The following CPAMD8 variants were observed in gnomAD, a reference collection of about 807,000 sequenced individuals.
CPAMD8 encodes the protein C3 and PZP like alpha-2-macroglobulin domain containing 8.
A neutral mutation model predicts 224.7 loss-of-function variants in CPAMD8; 146 were observed. The ratio of observed to expected loss-of-function variants is 0.65; its 90% confidence interval spans 0.57 to 0.75. The LOEUF (loss-of-function observed/expected upper bound fraction) is 0.75, where lower values mean the gene tolerates loss of function less well. Ranked by LOEUF, CPAMD8 falls within the 30% of genes least tolerant of loss-of-function variation. The pLI is 0.00. For synonymous variants in CPAMD8, 966 were observed against 1,044.6 expected, an observed-to-expected ratio of 0.92 and a Z score of 1.45; for missense variants, 2,301 against 2,537.5, an observed-to-expected ratio of 0.91 and a Z score of 2.00.
At chr19:16,939,187 TTATCTATCTATCTATG>T (rs1442799712) in intron 22 of CPAMD8, among the ~76,000 whole-genome samples, 1 of 84,634 alleles carries the variant, frequency 1.2e-5, no homozygotes, top group Non-Finnish European at 2.7e-5. Context: ...ATTTATTTAT[TTATCTATCTATCTATG>T]TATCTATCTA....
At position 16,902,691 on chromosome 19, in the gene CPAMD8, T is replaced by C. The variant is rs1329586649; in HGVS notation, c.4643A>G (p.Gln1548Arg). 3 of 1,609,578 alleles carry C rather than the reference T, an allele frequency of 1.9e-6. No homozygotes were observed. Among genetic ancestry groups the C allele is most frequent in the Middle Eastern group, 2.1e-4 (1 of 4,876 alleles). The change falls in exon 35 of 42, where the codon CAG (glutamine) becomes CGG (arginine). Residue 1548 changes from glutamine (Q) to arginine (R), a missense_variant. By Grantham distance (43) the Gln-to-Arg change is conservative. Transcript: ENST00000443236. ...PADDDDPAAD[Q>R]HHQEYKVMLE... ...CATCACCTTGTATTCCTGGTGATGC[T>C]GATCGGCCGCTGGGTCATCATCGTC...
intron 20 of CPAMD8, among the ~76,000 whole-genome samples, chr19:16,948,833 GA>G (rs2054192460): frequency 7.5e-6 from 1 of 133,082 alleles, no homozygotes; most frequent in Non-Finnish European, 1.6e-5. Flanking sequence ...GAAGGGAAGG[GA>G]GGAGAAGGGA....
chr19:16,929,971 G>A (rs1273212905), intron 23 of CPAMD8, among the ~76,000 whole-genome samples: 1 of 152,080 alleles, frequency 6.6e-6, no homozygotes, highest in African/African-American at 2.4e-5. Flanking sequence ...GACACGCAAA[G>A]GACCTAGGAG....
intron 7 of CPAMD8, among the ~76,000 whole-genome samples, chr19:17,005,520 G>A (rs1380519127): frequency 6.6e-6 from 1 of 152,064 alleles, no homozygotes; most frequent in Non-Finnish European, 1.5e-5. Flanking sequence ...CTTTGCGCCT[G>A]TGCCTCTGAG....
At chr19:16,979,338 C>T (rs571515152) in intron 14 of CPAMD8, among the ~76,000 whole-genome samples, 8 of 150,998 alleles carry the variant, frequency 5.3e-5, no homozygotes, top group Non-Finnish European at 1.2e-4. Context: ...ATCCAGCCAT[C>T]CATCTGTCCA....
Position 16,945,694 on chromosome 19 carries a change from T to A in CPAMD8, c.2663-15A>T, listed in dbSNP as rs1373823317. 5 of 1,613,742 alleles carry A rather than the reference T, an allele frequency of 3.1e-6. No individual in the cohort carries two copies. The highest frequency in any genetic ancestry group is 1.3e-5 in the African/African-American group (1 of 75,058). The stretch of plus-strand genomic sequence containing the variant: ...AAGGGCTTTGGCTGCAGAAATTTGA[T>A]GTCTTGGTCTCAGAACAGGTCTCCA... On this transcript the variant is annotated splice_polypyrimidine_tract_variant and intron_variant, in intron 21 of 41. Coordinates refer to ENST00000443236, the MANE Select transcript of CPAMD8 (RefSeq NM_015692.5).
At chr19:16,904,615 A>G in intron 30 of CPAMD8, 63 bp from the exon 31 acceptor site, 1 of 1,110,904 alleles carries the variant, frequency 9.0e-7, no homozygotes, top group African/African-American at 1.5e-5. Flanking sequence ...CATCCCATGG[A>G]GCGCATCCAA....
chr19:16,964,280 G>A (rs1377264755), intron 18 of CPAMD8, among the ~76,000 whole-genome samples: 2 of 152,004 alleles, frequency 1.3e-5, no homozygotes, highest in Non-Finnish European at 2.9e-5. Flanking sequence ...CAACAAAATT[G>A]ATAGACCACT....
chr19:16,973,183 A>G (rs1385430772), intron 17 of CPAMD8, among the ~76,000 whole-genome samples: 2 of 152,116 alleles, frequency 1.3e-5, no homozygotes, highest in Non-Finnish European at 2.9e-5. Context: ...AAAGAAAAAT[A>G]AGAGATTTTT....
intron 19 of CPAMD8, among the ~76,000 whole-genome samples, chr19:16,952,791 C>T (rs750222738): frequency 6.6e-5 from 10 of 152,178 alleles, no homozygotes; most frequent in Non-Finnish European, 1.2e-4. Context: ...GTCAAAACTA[C>T]CCAAAGTGAT....
chr19:16,986,469 C>A (rs2055725180), intron 13 of CPAMD8, among the ~76,000 whole-genome samples: 1 of 152,150 alleles, frequency 6.6e-6, no homozygotes, highest in Non-Finnish European at 1.5e-5. Context: ...CCAGCACCAG[C>A]GTCCCCACCC....
intron 19 of CPAMD8, among the ~76,000 whole-genome samples, chr19:16,954,131 G>A (rs1382850989): frequency 6.6e-6 from 1 of 151,990 alleles, no homozygotes; most frequent in East Asian, 1.9e-4. Context: ...ATTCTTTTGG[G>A]TATACACCCA....
At chr19:16,906,390 CTTTCTTTCTT>C (rs1568459640) in intron 30 of CPAMD8, among the ~76,000 whole-genome samples, 9 of 78,488 alleles carry the variant, frequency 1.1e-4, no homozygotes, top group African/African-American at 3.5e-4. Context: ...TTCTTTCTTT[CTTTCTTTCTT>C]TCTTTCTTTC....
chr19:16,975,867 ATG>A, intron 16 of CPAMD8, 133 bp downstream of exon 16: 1 of 933,482 alleles, frequency 1.1e-6, no homozygotes. Flanking sequence ...TCCCTGAAAA[ATG>A]AACCCGACGG....
At chr19:16,902,409 C>G (rs748681066) in intron 35 of CPAMD8, among the ~76,000 whole-genome samples, 1 of 151,950 alleles carries the variant, frequency 6.6e-6, no homozygotes, top group African/African-American at 2.4e-5. Context: ...CCCAGCTACT[C>G]GGGAGGCTGA....
At position 17,026,743 on chromosome 19, in the gene CPAMD8, G is replaced by T. The variant is rs1272109319; in HGVS notation, c.-101C>A. 5.0e-6 allele frequency: 6 copies of T among 1,207,494 alleles called. No individual in the cohort carries two copies. The highest frequency in any genetic ancestry group is 5.1e-6 in the Non-Finnish European group (5 of 973,292). The allele number at this position is 1,207,494 out of a possible 1,614,324, so 74.8% of individuals were successfully genotyped here. ...GGCCGTCCTCGCGCCGCCGCCGGGG[G>T]CCCTTTGTTCGCAGCCCCCGCGCAG... On this transcript the variant is annotated 5_prime_UTR_variant, in exon 1 of 42. Coordinates refer to ENST00000443236, the MANE Select transcript of CPAMD8 (RefSeq NM_015692.5).
At chr19:16,914,360 G>GT in intron 29 of CPAMD8, 64 bp downstream of exon 29, 1 of 1,372,440 alleles carries the variant, frequency 7.3e-7, no homozygotes, top group Non-Finnish European at 1.0e-6. Context: ...CATAAAGGAG[G>GT]GAACCTTCCA....
rs1170931713 is a variant in CPAMD8 at position 17,011,396 on chromosome 19, T to C, written c.486+68A>G. 3.9e-6 allele frequency: 6 copies of C among 1,530,224 alleles called. No individual in the cohort carries two copies. In the African/African-American group the frequency reaches 5.5e-5, roughly 14 times the overall value. 94.8% of individuals were successfully genotyped at this position (1,530,224 alleles called of 1,614,324 possible). A position where few individuals can be genotyped will look rare whatever the true frequency, so the allele number is the denominator to read the frequency against. ...TCTGGAGAGAAAGACCCGTTTCCGA[T>C]GGTGGCCCTGGCCAGGTAGTCCCAA... On this transcript the variant is annotated intron_variant, in intron 5 of 41. Transcript: ENST00000443236.
chr19:16,998,370 G>T (rs2056202617), intron 10 of CPAMD8, among the ~76,000 whole-genome samples: 1 of 152,210 alleles, frequency 6.6e-6, no homozygotes. Flanking sequence ...TGAGGCAGGA[G>T]AATTGCCTGA....
Sources: gnomAD v4.1 joint callset for allele counts (sites outside exome capture counted in the v4.1 genomes callset) on GRCh38, gnomAD v4.1.1 for gene constraint, MANE v1.5 for transcripts, NCBI Gene and HGNC (gene_info 2026-07-23, HGNC 2026-07-21) for gene names.